The following NKAIN3 variants were observed in gnomAD, a reference collection of about 807,000 sequenced individuals.
The protein encoded by NKAIN3 is sodium/potassium transporting ATPase interacting 3.
NKAIN3 carries 25 observed loss-of-function variants against 30.2 expected under a neutral mutation model. The ratio of observed to expected loss-of-function variants is 0.83; its 90% CI spans 0.60 to 1.16. NKAIN3 has a LOEUF of 1.16. Ranked by LOEUF, NKAIN3 falls within the 50% of genes most tolerant of loss-of-function variation. NKAIN3 has a pLI of 0.00. For missense variants in NKAIN3, 225 were observed against 254.1 expected, an observed-to-expected ratio of 0.89 and a Z score of 0.78; for synonymous variants, 91 against 89.6, an observed-to-expected ratio of 1.02 and a Z score of -0.09.
intron 3 of NKAIN3, among the ~76,000 whole-genome samples, chr8:62,737,598 G>C (rs200697663): frequency 5.3e-5 from 8 of 152,146 alleles, no homozygotes; most frequent in Non-Finnish European, 1.2e-4. Context: ...TCAAGAAAAT[G>C]CTTCAGGATC....
At chr8:62,373,822 A>G (rs969521664) in intron 1 of NKAIN3, among the ~76,000 whole-genome samples, 1 of 152,124 alleles carries the variant, frequency 6.6e-6, no homozygotes, top group Non-Finnish European at 1.5e-5. Flanking sequence ...TGTAGAAATT[A>G]TACTTCTTGG....
chr8:62,549,636 C>T (rs1246125195), intron 1 of NKAIN3, among the ~76,000 whole-genome samples: 1 of 151,946 alleles, frequency 6.6e-6, no homozygotes, highest in African/African-American at 2.4e-5. Context: ...CTTTTTCTTA[C>T]ACTAGCCTAT....
intron 1 of NKAIN3, among the ~76,000 whole-genome samples, chr8:62,380,665 A>G (rs1035878703): frequency 1.9e-4 from 29 of 152,236 alleles, no homozygotes; most frequent in African/African-American, 6.8e-4. Context: ...TTGTTAGATA[A>G]GCAAGCTCCC....
rs1342297791 is a variant in NKAIN3, at chr8:62,685,868, A to G, written c.274-61064A>G. Among the ~76,000 whole-genome samples the G allele has an allele frequency of 2.0e-5, 3 of 152,214 alleles. No individual in the cohort carries two copies. In the East Asian group the frequency reaches 5.8e-4, roughly 29 times the overall value. On this transcript the variant is annotated intron_variant, in intron 3 of 6. Coordinates refer to ENST00000623646, the MANE Select transcript of NKAIN3 (RefSeq NM_001304533.3). The stretch of plus-strand genomic sequence containing the variant: ...TTTAGGTCAAGTATTTCTTGTCTAT[A>G]TGTCTAATCCCATCCCCTTCCTGTT...
chr8:62,426,460 C>T (rs1804811404), intron 1 of NKAIN3, among the ~76,000 whole-genome samples: 1 of 151,946 alleles, frequency 6.6e-6, no homozygotes, highest in Admixed American at 6.6e-5. Flanking sequence ...TTTATGAAAA[C>T]TCAATAGTGG....
chr8:62,317,746 AC>A (rs1814693123), intron 1 of NKAIN3, among the ~76,000 whole-genome samples: 1 of 152,140 alleles, frequency 6.6e-6, no homozygotes, highest in African/African-American at 2.4e-5. Flanking sequence ...CTTAGGATTG[AC>A]TTGGCAATGT....
chr8:62,943,352 CTT>C (rs1365819705), intron 5 of NKAIN3, among the ~76,000 whole-genome samples: 1 of 148,220 alleles, frequency 6.7e-6, no homozygotes, highest in Non-Finnish European at 1.5e-5. Flanking sequence ...CCACCTTACT[CTT>C]GCAAGAATGG....
intron 1 of NKAIN3, among the ~76,000 whole-genome samples, chr8:62,498,048 A>G (rs937479493): frequency 6.6e-6 from 1 of 152,068 alleles, no homozygotes; most frequent in African/African-American, 2.4e-5. Context: ...ATGTACATTG[A>G]TTATGTTTGT....
At chr8:62,345,563 A>G (rs910223299) in intron 1 of NKAIN3, among the ~76,000 whole-genome samples, 1 of 145,958 alleles carries the variant, frequency 6.9e-6, no homozygotes, top group African/African-American at 2.5e-5. Context: ...GTATATATAC[A>G]CATATATACA....
intron 4 of NKAIN3, among the ~76,000 whole-genome samples, chr8:62,809,485 C>T (rs531824117): frequency 6.6e-6 from 1 of 152,246 alleles, no homozygotes; most frequent in Admixed American, 6.5e-5. Flanking sequence ...TGTTCCTCTG[C>T]CATGGCTTCA....
intron 1 of NKAIN3, among the ~76,000 whole-genome samples, chr8:62,402,601 G>A (rs918456077): frequency 4.6e-5 from 7 of 152,106 alleles, no homozygotes; most frequent in Non-Finnish European, 2.9e-5. Flanking sequence ...TTTGAACTTG[G>A]ATCTCATTCT....
intron 1 of NKAIN3, among the ~76,000 whole-genome samples, chr8:62,489,095 C>A (rs966565146): frequency 6.6e-6 from 1 of 152,102 alleles, no homozygotes; most frequent in Non-Finnish European, 1.5e-5. Flanking sequence ...TGGCTCACTG[C>A]AAGCCCTGCC....
chr8:62,297,729 T>C (rs1813884192), intron 1 of NKAIN3, among the ~76,000 whole-genome samples: 2 of 152,180 alleles, frequency 1.3e-5, no homozygotes, highest in Admixed American at 6.5e-5. Context: ...TTGGTGGGAA[T>C]GTAAACTAGT....
At chr8:62,844,135 C>T (rs927700229) in intron 4 of NKAIN3, among the ~76,000 whole-genome samples, 1 of 152,124 alleles carries the variant, frequency 6.6e-6, no homozygotes, top group African/African-American at 2.4e-5. Flanking sequence ...AACTTAAATG[C>T]CACAAACATG....
chr8:62,420,277 T>A (rs1443013868), intron 1 of NKAIN3, among the ~76,000 whole-genome samples: 1 of 152,190 alleles, frequency 6.6e-6, no homozygotes, highest in Non-Finnish European at 1.5e-5. Context: ...TCTAAATATA[T>A]AATTTCACCA....
chr8:62,732,425 A>C (rs1454467434), intron 3 of NKAIN3, among the ~76,000 whole-genome samples: 1 of 151,926 alleles, frequency 6.6e-6, no homozygotes, highest in African/African-American at 2.4e-5. Context: ...TTTGCTATTG[A>C]TACTTATTTT....
chr8:62,316,800 G>A (rs1220622152), intron 1 of NKAIN3, among the ~76,000 whole-genome samples: 1 of 152,124 alleles, frequency 6.6e-6, no homozygotes, highest in Non-Finnish European at 1.5e-5. Context: ...ACCCAGTAAT[G>A]GGATGGCTGG....
chr8:62,912,209 G>A (rs149435213), intron 4 of NKAIN3, among the ~76,000 whole-genome samples: 5 of 151,904 alleles, frequency 3.3e-5, no homozygotes, highest in Non-Finnish European at 5.9e-5. Context: ...GTAAAAATAT[G>A]GTATAACACA....
intron 1 of NKAIN3, among the ~76,000 whole-genome samples, chr8:62,366,288 G>A (rs552962441): frequency 4.0e-5 from 6 of 149,782 alleles, no homozygotes; most frequent in South Asian, 2.1e-4. Flanking sequence ...GTGCAGTGGT[G>A]TGATTTCGGC....
Sources: allele counts gnomAD v4.1 joint callset (sites outside exome capture counted in the v4.1 genomes callset), GRCh38; gene constraint gnomAD v4.1.1; transcripts MANE v1.5; gene names NCBI Gene and HGNC (gene_info 2026-07-23, HGNC 2026-07-21).